The following MITF variants were observed in gnomAD, a reference collection of about 807,000 sequenced individuals.
MITF encodes melanocyte inducing transcription factor.
In MITF, 17 loss-of-function variants were observed where a neutral mutation model predicts 60.5. The observed-to-expected ratio is 0.28, with a 90% CI of 0.19 to 0.42. The LOEUF is 0.42. Among genes scored for constraint, MITF ranks in the 10% least tolerant of loss-of-function variants. MITF has a pLI of 1.00. For missense variants in MITF, 622 were observed against 683.5 expected (o/e 0.91, Z 1.00); for synonymous variants, 260 against 248.5 (o/e 1.05, Z -0.43).
intron 1 of MITF, among the ~76,000 whole-genome samples, chr3:69,766,516 C>T (rs752846198): frequency 5.3e-5 from 8 of 151,428 alleles, no homozygotes; most frequent in South Asian, 2.1e-4. Context: ...CGTGAGCCAC[C>T]GCACCTAGCC....
chr3:69,899,509 C>T (rs776060758), intron 2 of MITF, among the ~76,000 whole-genome samples: 13 of 152,148 alleles, frequency 8.5e-5, no homozygotes, highest in Non-Finnish European at 1.2e-4. Context: ...CTGCTCTTTG[C>T]AGAGACAGCG....
intron 1 of MITF, among the ~76,000 whole-genome samples, chr3:69,830,184 C>T (rs929627631): frequency 1.3e-5 from 2 of 152,046 alleles, no homozygotes; most frequent in African/African-American, 2.4e-5. Flanking sequence ...TGGTTCATGA[C>T]CCTCAAAGTC....
At chr3:69,875,865 T>G (rs193158402) in intron 1 of MITF, among the ~76,000 whole-genome samples, 11 of 152,060 alleles carry the variant, frequency 7.2e-5, no homozygotes. Context: ...TCTTTCACAA[T>G]GTGGAAATAT....
chr3:69,962,687 G>C (rs1022517110), intron 9 of MITF, among the ~76,000 whole-genome samples: 22 of 152,156 alleles, frequency 1.4e-4, no homozygotes, highest in Admixed American at 1.4e-3. Flanking sequence ...ATGCTTATCA[G>C]GAATCAATTA....
At chr3:69,935,844 GAATA>G (rs1392498527) in intron 2 of MITF, among the ~76,000 whole-genome samples, 8 of 152,190 alleles carry the variant, frequency 5.3e-5, no homozygotes, top group South Asian at 2.1e-4. Flanking sequence ...AATAATGAAT[GAATA>G]AAGGAATAAA....
intron 2 of MITF, among the ~76,000 whole-genome samples, chr3:69,888,770 T>C (rs911792868): frequency 1.3e-5 from 2 of 152,118 alleles, no homozygotes; most frequent in Non-Finnish European, 2.9e-5. Context: ...TTTTTACAAA[T>C]TCTGAAGGGC....
intron 6 of MITF, 123 bp from the exon 7 acceptor site, chr3:69,951,689 T>G: frequency 1.4e-6 from 1 of 726,356 alleles, no homozygotes; most frequent in East Asian, 2.8e-5. Context: ...TAAAAAAACG[T>G]ATTTTTACTT....
chr3:69,879,056 A>G (rs747345688), intron 1 of MITF, 78 bp from the exon 2 acceptor site: 2 of 1,197,498 alleles, frequency 1.7e-6, no homozygotes, highest in South Asian at 2.5e-5. Context: ...GTTTGGTGCA[A>G]TTTAGGATAC....
chr3:69,905,140 C>T (rs1237470428), intron 2 of MITF, among the ~76,000 whole-genome samples: 1 of 152,096 alleles, frequency 6.6e-6, no homozygotes, highest in Non-Finnish European at 1.5e-5. Context: ...CCCTACTCCC[C>T]TTGTCCCCAG....
intron 2 of MITF, among the ~76,000 whole-genome samples, chr3:69,929,513 G>A (rs1221284584): frequency 2.0e-5 from 3 of 152,040 alleles, no homozygotes; most frequent in African/African-American, 2.4e-5. Flanking sequence ...GCTCTGGTTT[G>A]GGGCCCTGGA....
chr3:69,789,499 A>C (rs1462216744), intron 1 of MITF, among the ~76,000 whole-genome samples: 2 of 152,176 alleles, frequency 1.3e-5, no homozygotes, highest in African/African-American at 4.8e-5. Context: ...CTTGTTGAGA[A>C]TGTAAAGAAA....
At chr3:69,751,539 A>G (rs1228024714) in intron 1 of MITF, among the ~76,000 whole-genome samples, 1 of 146,806 alleles carries the variant, frequency 6.8e-6, no homozygotes, top group Admixed American at 6.9e-5. Context: ...ATCCACTTAG[A>G]CCCAAGCATT....
intron 1 of MITF, among the ~76,000 whole-genome samples, chr3:69,807,267 A>C (rs1243769226): frequency 6.6e-6 from 1 of 152,194 alleles, no homozygotes; most frequent in Non-Finnish European, 1.5e-5. Flanking sequence ...GTCTGCCCCC[A>C]ACCCCAGGAA....
At chr3:69,800,198 A>T (rs1002757971) in intron 1 of MITF, among the ~76,000 whole-genome samples, 1 of 152,202 alleles carries the variant, frequency 6.6e-6, no homozygotes, top group Admixed American at 6.5e-5. Context: ...AAATGGGATT[A>T]TACATTATGT....
intron 1 of MITF, among the ~76,000 whole-genome samples, chr3:69,797,177 T>C (rs992054499): frequency 2.0e-5 from 3 of 152,226 alleles, no homozygotes; most frequent in Admixed American, 6.5e-5. Context: ...TGGAAAATTG[T>C]ATTACACCTA....
At chr3:69,814,416 T>C (rs2063148835) in intron 1 of MITF, among the ~76,000 whole-genome samples, 1 of 152,096 alleles carries the variant, frequency 6.6e-6, no homozygotes, top group Non-Finnish European at 1.5e-5. Context: ...GCTGCCTTAA[T>C]TTCCCAGGCT....
At chr3:69,867,975 A>G (rs1003140422) in intron 1 of MITF, among the ~76,000 whole-genome samples, 8 of 152,234 alleles carry the variant, frequency 5.3e-5, no homozygotes, top group African/African-American at 1.7e-4. Context: ...AGGAGAGCAC[A>G]CACTGTGAAT....
intron 2 of MITF, among the ~76,000 whole-genome samples, chr3:69,901,837 A>G (rs1214607515): frequency 1.3e-5 from 2 of 152,224 alleles, no homozygotes; most frequent in East Asian, 1.9e-4. Context: ...TCCCTATGTC[A>G]TCAAGAGTCC....
intron 9 of MITF, among the ~76,000 whole-genome samples, chr3:69,963,339 C>T (rs1052663545): frequency 4.6e-5 from 7 of 152,170 alleles, no homozygotes; most frequent in African/African-American, 1.7e-4. Context: ...TAGTTACTGG[C>T]ATAGAACTTT....
Sources: gnomAD v4.1 joint callset for allele counts (sites outside exome capture counted in the v4.1 genomes callset) on GRCh38, gnomAD v4.1.1 for gene constraint, MANE v1.5 for transcripts, NCBI Gene and HGNC (gene_info 2026-07-23, HGNC 2026-07-21) for gene names.